Variants in EXOC4 observed in about 807,000 individuals in gnomAD.
EXOC4 encodes exocyst complex component 4.
A neutral mutation model predicts 107.2 loss-of-function variants in EXOC4; 71 were observed. The observed-to-expected ratio is 0.66, with a 90% CI of 0.55 to 0.81. The LOEUF (loss-of-function observed/expected upper bound fraction) is 0.81. Ranked by LOEUF, EXOC4 falls within the 30% of genes least tolerant of loss-of-function variation. EXOC4 has a pLI of 0.00. For missense variants in EXOC4, 1,108 were observed against 1,189.6 expected (o/e 0.93, Z 1.01); for synonymous variants, 456 against 441.2 (o/e 1.03, Z -0.42).
intron 11 of EXOC4, among the ~76,000 whole-genome samples, chr7:133,849,142 A>G (rs1445147539): frequency 6.6e-6 from 1 of 152,216 alleles, no homozygotes; most frequent in Non-Finnish European, 1.5e-5. Context: ...CCAAGAGCAT[A>G]GAGACCAGGT....
At chr7:133,254,601 G>A (rs538251487) in intron 1 of EXOC4, among the ~76,000 whole-genome samples, 125 of 152,224 alleles carry the variant, frequency 8.2e-4, no homozygotes, top group Non-Finnish European at 1.2e-3. Flanking sequence ...ACAGTATGGC[G>A]TCTGGCACGT....
At chr7:134,078,176 A>C in the EXOC4 span, among the ~76,000 whole-genome samples, 1 of 151,770 alleles carries the variant, frequency 6.6e-6, no homozygotes, top group Middle Eastern at 3.2e-3. Flanking sequence ...CTTTTGCTTT[A>C]CCCCCCTTTT....
At chr7:134,017,428 A>C (rs2116400905) in intron 17 of EXOC4, among the ~76,000 whole-genome samples, 1 of 152,330 alleles carries the variant, frequency 6.6e-6, no homozygotes, top group East Asian at 1.9e-4. Context: ...GAAATATACC[A>C]GTTGATAAAA....
At chr7:133,418,653 C>G (rs1797532992) in intron 7 of EXOC4, among the ~76,000 whole-genome samples, 1 of 152,144 alleles carries the variant, frequency 6.6e-6, no homozygotes. Flanking sequence ...TCCTGAGGTT[C>G]TGCTGTAGCT....
At chr7:133,838,469 T>C (rs1356673245) in intron 11 of EXOC4, among the ~76,000 whole-genome samples, 1 of 152,236 alleles carries the variant, frequency 6.6e-6, no homozygotes, top group Non-Finnish European at 1.5e-5. Context: ...TCTTCTCTGC[T>C]GCCTAATAAT....
chr7:133,650,884 T>C (rs1803127398), intron 10 of EXOC4, among the ~76,000 whole-genome samples: 1 of 150,778 alleles, frequency 6.6e-6, no homozygotes, highest in African/African-American at 2.4e-5. Context: ...AGAGAGAAGC[T>C]GTTCATTTAG....
At chr7:133,460,178 G>A (rs771718508) in intron 7 of EXOC4, among the ~76,000 whole-genome samples, 2 of 152,140 alleles carry the variant, frequency 1.3e-5, no homozygotes, top group Admixed American at 6.5e-5. Flanking sequence ...TTAGATTCTC[G>A]TAAGGAGCAC....
At chr7:133,483,090 A>G (rs1387269915) in intron 9 of EXOC4, among the ~76,000 whole-genome samples, 4 of 152,206 alleles carry the variant, frequency 2.6e-5, no homozygotes, top group African/African-American at 9.7e-5. Flanking sequence ...GTTTGCCACG[A>G]AACTATAAGC....
At chr7:133,683,003 A>C (rs1272313993) in intron 10 of EXOC4, among the ~76,000 whole-genome samples, 3 of 152,152 alleles carry the variant, frequency 2.0e-5, no homozygotes, top group Non-Finnish European at 1.5e-5. Context: ...AGATGTTGTC[A>C]TTCTGTGAAA....
At chr7:133,500,660 C>T (rs1443421044) in intron 9 of EXOC4, among the ~76,000 whole-genome samples, 2 of 152,058 alleles carry the variant, frequency 1.3e-5, no homozygotes, top group Non-Finnish European at 2.9e-5. Context: ...GAGTGGGATT[C>T]TTAGGTTATA....
intron 7 of EXOC4, among the ~76,000 whole-genome samples, chr7:133,419,984 T>G (rs1161189826): frequency 7.4e-6 from 1 of 134,272 alleles, no homozygotes; most frequent in Non-Finnish European, 1.6e-5. Flanking sequence ...TTTTTTTTTA[T>G]TATACTTTAA....
chr7:133,512,339 G>T (rs1799785375), intron 9 of EXOC4, among the ~76,000 whole-genome samples: 1 of 151,948 alleles, frequency 6.6e-6, no homozygotes, highest in South Asian at 2.1e-4. Flanking sequence ...TAAGGCAGTA[G>T]AATCACTAGA....
At chr7:133,331,303 A>G (rs1795381664) in intron 5 of EXOC4, among the ~76,000 whole-genome samples, 1 of 152,190 alleles carries the variant, frequency 6.6e-6, no homozygotes, top group African/African-American at 2.4e-5. Flanking sequence ...GAGATTAAGT[A>G]TCTAGAATAT....
intron 15 of EXOC4, among the ~76,000 whole-genome samples, chr7:134,003,477 G>A (rs1025532761): frequency 6.6e-6 from 1 of 152,202 alleles, no homozygotes; most frequent in African/African-American, 2.4e-5. Flanking sequence ...ACTAAAGAAA[G>A]ATGACAGGCA....
chr7:133,560,002 C>T (rs1276879647), intron 9 of EXOC4, among the ~76,000 whole-genome samples: 1 of 152,200 alleles, frequency 6.6e-6, no homozygotes, highest in Non-Finnish European at 1.5e-5. Context: ...ATTCTGGACT[C>T]TCTAGAAGTT....
chr7:133,853,509 G>A (rs1346185708), intron 11 of EXOC4, among the ~76,000 whole-genome samples: 1 of 152,066 alleles, frequency 6.6e-6, no homozygotes, highest in Non-Finnish European at 1.5e-5. Context: ...GAGACTACAG[G>A]CATGCACCAC....
At chr7:134,009,751 A>T (rs2116355060) in intron 17 of EXOC4, 1 of 152,354 alleles carries the variant, frequency 6.6e-6, no homozygotes. Context: ...GCTCTAAGGA[A>T]TATAATTCCT....
intron 10 of EXOC4, among the ~76,000 whole-genome samples, chr7:133,816,363 T>G (rs1797369147): frequency 6.6e-6 from 1 of 152,146 alleles, no homozygotes; most frequent in African/African-American, 2.4e-5. Context: ...AAAATAAGAA[T>G]TTTAATAAAT....
At chr7:133,551,487 G>A (rs1800588438) in intron 9 of EXOC4, 2 of 151,826 alleles carry the variant, frequency 1.3e-5, no homozygotes, top group Non-Finnish European at 2.9e-5. Flanking sequence ...TTTTTTGGAA[G>A]GAGAAACGTA....
Sources: gnomAD v4.1 joint callset for allele counts (sites outside exome capture counted in the v4.1 genomes callset) on GRCh38, gnomAD v4.1.1 for gene constraint, MANE v1.5 for transcripts, NCBI Gene and HGNC (gene_info 2026-07-23, HGNC 2026-07-21) for gene names.